RAB7A: variants seen among roughly 807,000 people sequenced by gnomAD.
RAB7A encodes the protein RAB7A, member RAS oncogene family, also known as ras-related protein Rab-7a.
RAB7A carries 2 observed loss-of-function variants against 24.5 expected under a neutral mutation model. The observed-to-expected ratio is 0.08, with a 90% CI of 0.03 to 0.26. RAB7A has a LOEUF of 0.26. Ranked by LOEUF, RAB7A falls within the 10% of genes least tolerant of loss-of-function variation. The pLI, the probability that RAB7A is intolerant of heterozygous loss-of-function variation, is 1.00. For missense variants in RAB7A, 118 were observed against 255.7 expected (o/e 0.46, Z 3.67); for synonymous variants, 100 against 95.9 (o/e 1.04, Z -0.25).
At chr3:128,806,779 A>G (rs1204774380) in intron 4 of RAB7A, among the ~76,000 whole-genome samples, 189 bp downstream of exon 4, 1 of 152,186 alleles carries the variant, frequency 6.6e-6, no homozygotes, top group East Asian at 1.9e-4. Context: ...TTAAGTCCCC[A>G]TCCTGCCCCC....
At chr3:128,760,413 C>T (rs925071363) in intron 1 of RAB7A, among the ~76,000 whole-genome samples, 1 of 152,178 alleles carries the variant, frequency 6.6e-6, no homozygotes, top group African/African-American at 2.4e-5. Context: ...CTGTTTATCT[C>T]TGGAGAGCCC....
chr3:128,755,370 G>C (rs992011381), intron 1 of RAB7A, among the ~76,000 whole-genome samples: 3 of 151,918 alleles, frequency 2.0e-5, no homozygotes, highest in Non-Finnish European at 2.9e-5. Flanking sequence ...GTTAAAGGAG[G>C]AAATTTACAG....
chr3:128,764,077 A>G (rs982183197), intron 1 of RAB7A, among the ~76,000 whole-genome samples: 6 of 152,158 alleles, frequency 3.9e-5, no homozygotes, highest in Non-Finnish European at 7.4e-5. Context: ...TACAGAGGTC[A>G]AAAGGGAGGA....
intron 1 of RAB7A, among the ~76,000 whole-genome samples, chr3:128,728,322 T>G (rs1255548092): frequency 6.6e-6 from 1 of 152,230 alleles, no homozygotes; most frequent in African/African-American, 2.4e-5. Flanking sequence ...AAGGCTTTGT[T>G]AATTTTAACA....
At chr3:128,750,149 A>C (rs1323478256) in intron 1 of RAB7A, among the ~76,000 whole-genome samples, 1 of 152,224 alleles carries the variant, frequency 6.6e-6, no homozygotes, top group African/African-American at 2.4e-5. Context: ...ACTAGAGCAA[A>C]GGTGGCTCTT....
chr3:128,768,826 T>A (rs915217661), intron 1 of RAB7A, among the ~76,000 whole-genome samples: 1 of 151,774 alleles, frequency 6.6e-6, no homozygotes, highest in East Asian at 1.9e-4. Flanking sequence ...CCCAAAGTAC[T>A]GGGATTACAG....
At chr3:128,788,790 C>T (rs1933394027) in intron 1 of RAB7A, among the ~76,000 whole-genome samples, 1 of 152,042 alleles carries the variant, frequency 6.6e-6, no homozygotes, top group Admixed American at 6.6e-5. Flanking sequence ...CCTGGTTAAC[C>T]TCTTTCTGAC....
chr3:128,731,758 A>G (rs1189759714), intron 1 of RAB7A, among the ~76,000 whole-genome samples: 1 of 152,080 alleles, frequency 6.6e-6, no homozygotes, highest in African/African-American at 2.4e-5. Context: ...CTGTAATCCC[A>G]GCACTTTGGG....
rs546663078 is a variant in RAB7A at position 128,795,814 on chromosome 3, C to T, written c.53+394C>T. On this transcript the variant is annotated intron_variant, in intron 2 of 5. Transcript: ENST00000265062. ...TCGCCCAGGCTGGAGTGCAGTGGCG[C>T]GATCTCGGCTCACTGCAAGCTCCGC... 5.4e-5 allele frequency among the ~76,000 whole-genome samples: 7 copies of T among 130,342 alleles called. No homozygotes were observed. The South Asian group carries it at 1.1e-3, about 20-fold the overall frequency. 85.5% of individuals were successfully genotyped at this position (130,342 alleles called of 152,430 possible). A position where few individuals can be genotyped will look rare whatever the true frequency, so the allele number is the denominator to read the frequency against.
At chr3:128,769,381 A>G (rs1177307486) in intron 1 of RAB7A, among the ~76,000 whole-genome samples, 4 of 152,036 alleles carry the variant, frequency 2.6e-5, no homozygotes, top group African/African-American at 9.7e-5. Flanking sequence ...TTTAATTTGT[A>G]TTTCCCTAAA....
intron 1 of RAB7A, among the ~76,000 whole-genome samples, chr3:128,733,073 T>C (rs1397932636): frequency 6.6e-6 from 1 of 152,228 alleles, no homozygotes; most frequent in South Asian, 2.1e-4. Context: ...CATTGTTGCC[T>C]GTATTTCCAA....
intron 1 of RAB7A, among the ~76,000 whole-genome samples, chr3:128,750,722 C>A (rs529503467): frequency 6.6e-6 from 1 of 152,186 alleles, no homozygotes; most frequent in Non-Finnish European, 1.5e-5. Flanking sequence ...GAAATTCAAG[C>A]CCTTACAGAA....
chr3:128,742,934 C>T (rs1023788410), intron 1 of RAB7A, among the ~76,000 whole-genome samples: 1 of 152,230 alleles, frequency 6.6e-6, no homozygotes, highest in Non-Finnish European at 1.5e-5. Context: ...CTGCACTCCT[C>T]AGCCCTTGGG....
At chr3:128,731,381 G>C (rs73196977) in intron 1 of RAB7A, among the ~76,000 whole-genome samples, 23 of 152,122 alleles carry the variant, frequency 1.5e-4, no homozygotes, top group African/African-American at 5.6e-4. Context: ...AGATAACTGC[G>C]GGTCATTTAA....
chr3:128,773,553 G>A (rs1933008443), intron 1 of RAB7A, among the ~76,000 whole-genome samples: 1 of 151,960 alleles, frequency 6.6e-6, no homozygotes, highest in Non-Finnish European at 1.5e-5. Context: ...GGGAAGTGAG[G>A]AGCCCCTCTG....
chr3:128,768,934 T>TTTTCC (rs994240140), intron 1 of RAB7A, among the ~76,000 whole-genome samples: 18 of 150,602 alleles, frequency 1.2e-4, no homozygotes, highest in Non-Finnish European at 2.1e-4. Flanking sequence ...TTCTTTTCTC[T>TTTTCC]TTTCCTTTCC....
At chr3:128,800,720 G>A (rs1214760319) in intron 3 of RAB7A, among the ~76,000 whole-genome samples, 2 of 152,170 alleles carry the variant, frequency 1.3e-5, no homozygotes, top group African/African-American at 2.4e-5. Flanking sequence ...GGAAAGAGAC[G>A]GGCAGCACAG....
intron 1 of RAB7A, among the ~76,000 whole-genome samples, chr3:128,789,272 AG>A (rs1933403655): frequency 6.6e-6 from 1 of 151,190 alleles, no homozygotes; most frequent in African/African-American, 2.4e-5. Flanking sequence ...TGTGAGAGGA[AG>A]TGGTCGGTGC....
chr3:128,750,882 G>T (rs2070674841), intron 1 of RAB7A, among the ~76,000 whole-genome samples: 2 of 152,216 alleles, frequency 1.3e-5, no homozygotes, highest in African/African-American at 4.8e-5. Flanking sequence ...CCCGTGGTTT[G>T]TGCAAACTGG....
Sources: gnomAD v4.1 joint callset for allele counts (sites outside exome capture counted in the v4.1 genomes callset) on GRCh38, gnomAD v4.1.1 for gene constraint, MANE v1.5 for transcripts, NCBI Gene and HGNC (gene_info 2026-07-23, HGNC 2026-07-21) for gene names.